Variants in SULT2B1 observed in about 807,000 individuals in gnomAD.
SULT2B1 encodes the protein sulfotransferase family 2B member 1.
Under a neutral mutation model 33.2 loss-of-function variants are expected in SULT2B1, and 16 were observed. The ratio of observed to expected loss-of-function variants is 0.48; its 90% confidence interval spans 0.33 to 0.73. SULT2B1 has a LOEUF of 0.73. Among genes scored for constraint, SULT2B1 ranks in the 30% least tolerant of loss-of-function variants. The pLI, the probability that SULT2B1 is intolerant of heterozygous loss-of-function variation, is 0.02. For missense variants in SULT2B1, 500 were observed against 506.0 expected (o/e 0.99, Z 0.11); for synonymous variants, 186 against 200.5 (o/e 0.93, Z 0.61).
intron 5 of SULT2B1, 73 bp downstream of exon 5, chr19:48,592,889 C>T (rs1973662335): frequency 5.1e-6 from 7 of 1,369,514 alleles, no homozygotes; most frequent in African/African-American, 1.4e-5. Flanking sequence ...CTCCCCTTCC[C>T]GAGGGTCTCA....
chr19:48,593,713 C>G (rs997808345), intron 5 of SULT2B1, among the ~76,000 whole-genome samples: 2 of 150,984 alleles, frequency 1.3e-5, no homozygotes, highest in Non-Finnish European at 2.9e-5. Context: ...CGGCTCACCG[C>G]AACCTCCAAC....
intron 1 of SULT2B1, among the ~76,000 whole-genome samples, chr19:48,566,639 C>G (rs1973246272): frequency 6.6e-6 from 1 of 151,832 alleles, no homozygotes. Context: ...CTCGGGAGTT[C>G]CAGACCAGCC....
chr19:48,597,250 T>TTACG (rs1197684130), intron 6 of SULT2B1, among the ~76,000 whole-genome samples: 1 of 151,896 alleles, frequency 6.6e-6, no homozygotes, highest in African/African-American at 2.4e-5. Context: ...AAGCCCTGGG[T>TTACG]TACGGGGCGC....
At chr19:48,569,177 C>T (rs1973283594) in intron 1 of SULT2B1, among the ~76,000 whole-genome samples, 1 of 150,958 alleles carries the variant, frequency 6.6e-6, no homozygotes, top group African/African-American at 2.4e-5. Context: ...CCTGTCTCTA[C>T]TAAAAATACA....
intron 1 of SULT2B1, among the ~76,000 whole-genome samples, chr19:48,574,979 C>T (rs949160940): frequency 6.6e-6 from 1 of 152,028 alleles, no homozygotes; most frequent in Non-Finnish European, 1.5e-5. Context: ...CAAGGCTGTG[C>T]TAGGCAGGCC....
intron 1 of SULT2B1, among the ~76,000 whole-genome samples, chr19:48,570,294 C>T (rs1973303309): frequency 6.6e-6 from 1 of 151,850 alleles, no homozygotes; most frequent in African/African-American, 2.4e-5. Flanking sequence ...ATTCTCCTGC[C>T]TCAGCCTCCC....
chr19:48,580,841 A>G (rs1029442186), intron 2 of SULT2B1, among the ~76,000 whole-genome samples: 1 of 151,474 alleles, frequency 6.6e-6, no homozygotes, highest in Non-Finnish European at 1.5e-5. Flanking sequence ...GGCTCAAGCG[A>G]TCTTCCTGCC....
intron 1 of SULT2B1, among the ~76,000 whole-genome samples, chr19:48,573,972 C>A (rs796949263): frequency 1.3e-5 from 2 of 152,140 alleles, no homozygotes; most frequent in African/African-American, 4.8e-5. Flanking sequence ...TTGATCCTCC[C>A]GCCTCAGACT....
chr19:48,578,443 A>T (rs1044026152), intron 2 of SULT2B1, among the ~76,000 whole-genome samples: 3 of 151,676 alleles, frequency 2.0e-5, no homozygotes, highest in Non-Finnish European at 4.4e-5. Flanking sequence ...TTAGCCAGGC[A>T]CGATAGTGTA....
rs1156967381 is a variant in SULT2B1, at chr19:48,569,320, C to T, written c.72-6621C>T. 9.4e-5 allele frequency among the ~76,000 whole-genome samples: 13 copies of T among 138,794 alleles called. 1 individual carries two copies. Among genetic ancestry groups the T allele is most frequent in the South Asian group, 9.2e-4 (4 of 4,354 alleles). The allele number at this position is 138,794 out of a possible 152,430, so 91.1% of individuals were successfully genotyped here. On this transcript the variant is annotated intron_variant, in intron 1 of 6. Coordinates refer to ENST00000201586, the MANE Select transcript of SULT2B1 (RefSeq NM_177973.2). ...TCGCGCCACTGCACTCCAGCCTGGG[C>T]GACAGAGAGAGACTCCGTCTCAAAA...
chr19:48,556,639 C>T (rs1364009353), intron 1 of SULT2B1, among the ~76,000 whole-genome samples: 1 of 150,146 alleles, frequency 6.7e-6, no homozygotes, highest in African/African-American at 2.5e-5. Flanking sequence ...TCAGAATACA[C>T]GCATATGTGA....
At chr19:48,566,151 C>T (rs150090754) in intron 1 of SULT2B1, among the ~76,000 whole-genome samples, 1,815 of 152,056 alleles carry the variant, frequency 0.012, 37 homozygotes, top group African/African-American at 0.042. Context: ...GTGTCGAACT[C>T]CTGACCTGGT....
chr19:48,555,549 CCTCTCTCTCTCTCTCT>C (rs142655043), intron 1 of SULT2B1, among the ~76,000 whole-genome samples: 48 of 124,194 alleles, frequency 3.9e-4, no homozygotes, highest in Non-Finnish European at 6.6e-4. Context: ...CCAGAGACAT[CCTCTCTCTCTCTCTCT>C]CTCTCTCTCT....
intron 2 of SULT2B1, among the ~76,000 whole-genome samples, chr19:48,580,462 G>T (rs978484190): frequency 9.2e-5 from 14 of 152,012 alleles, no homozygotes; most frequent in Admixed American, 5.9e-4. Flanking sequence ...GTTTCACCAT[G>T]TTGGCCAGGC....
chr19:48,556,676 C>T (rs1393765824), intron 1 of SULT2B1, among the ~76,000 whole-genome samples: 1 of 151,806 alleles, frequency 6.6e-6, no homozygotes, highest in Non-Finnish European at 1.5e-5. Context: ...AAGTTGCCAG[C>T]TCAGTGGCTC....
At chr19:48,583,987 CT>C (rs1488672219) in intron 2 of SULT2B1, among the ~76,000 whole-genome samples, 1 of 152,084 alleles carries the variant, frequency 6.6e-6, no homozygotes. Context: ...TGGCGTGCGC[CT>C]GTAGTCACAG....
chr19:48,582,942 C>T (rs972516357), intron 2 of SULT2B1, among the ~76,000 whole-genome samples: 2 of 147,176 alleles, frequency 1.4e-5, no homozygotes, highest in Non-Finnish European at 3.0e-5. Flanking sequence ...AGCTTAAGCC[C>T]AGGAGTTCAA....
intron 2 of SULT2B1, 55 bp downstream of exon 2, chr19:48,576,138 C>T: frequency 1.4e-6 from 2 of 1,460,200 alleles, no homozygotes; most frequent in Non-Finnish European, 1.9e-6. Context: ...GGGGGTGCGG[C>T]AGAGGACAGG....
At chr19:48,597,337 C>CTTTTT (rs535736357) in intron 6 of SULT2B1, among the ~76,000 whole-genome samples, 1 of 106,906 alleles carries the variant, frequency 9.4e-6, no homozygotes, top group South Asian at 3.1e-4. Context: ...CACGTTTACT[C>CTTTTT]TTTTTTTTTT....
Sources: gnomAD v4.1 joint callset for allele counts (sites outside exome capture counted in the v4.1 genomes callset) on GRCh38, gnomAD v4.1.1 for gene constraint, MANE v1.5 for transcripts, NCBI Gene and HGNC (gene_info 2026-07-23, HGNC 2026-07-21) for gene names.